CERS3: variants seen among roughly 807,000 people sequenced by gnomAD.
CERS3 encodes ceramide synthase 3, also known as LAG1 homolog, ceramide synthase 3.
Under a neutral mutation model 50.3 loss-of-function variants are expected in CERS3, and 33 were observed. The observed-to-expected ratio is 0.66, with a 90% CI of 0.50 to 0.88. The LOEUF (loss-of-function observed/expected upper bound fraction) is 0.88. CERS3 is among the 40% of genes least tolerant of loss of function. The pLI is 0.00. For missense variants in CERS3, 470 were observed against 460.3 expected, an observed-to-expected ratio of 1.02 and a Z score of -0.19; for synonymous variants, 176 against 155.2, an observed-to-expected ratio of 1.13 and a Z score of -0.99.
intron 11 of CERS3, among the ~76,000 whole-genome samples, chr15:100,421,335 T>C (rs1464631224): frequency 6.6e-6 from 1 of 150,466 alleles, no homozygotes; most frequent in Admixed American, 6.6e-5. Context: ...CATTCACAAT[T>C]GCTTCAAAGA....
At chr15:100,430,218 A>G (rs1485225855) in intron 11 of CERS3, among the ~76,000 whole-genome samples, 1 of 151,976 alleles carries the variant, frequency 6.6e-6, no homozygotes. Context: ...AGGCTGAGGC[A>G]GGAGAATGGC....
chr15:100,421,748 G>C (rs1275864358), intron 11 of CERS3, among the ~76,000 whole-genome samples: 1 of 143,344 alleles, frequency 7.0e-6, no homozygotes, highest in Non-Finnish European at 1.5e-5. Context: ...ATAGATCAAT[G>C]TAACAGAACA....
Sources: gnomAD v4.1 joint callset for allele counts (sites outside exome capture counted in the v4.1 genomes callset) on GRCh38, gnomAD v4.1.1 for gene constraint, MANE v1.5 for transcripts, NCBI Gene and HGNC (gene_info 2026-07-23, HGNC 2026-07-21) for gene names.